The following DLGAP3 variants were observed in gnomAD, a reference collection of about 807,000 sequenced individuals.
DLGAP3 encodes DLG associated protein 3.
A neutral mutation model predicts 81.2 loss-of-function variants in DLGAP3; 17 were observed. That is an observed-to-expected ratio of 0.21 (90% CI 0.14 to 0.31). The LOEUF (loss-of-function observed/expected upper bound fraction) is 0.31, where lower values mean the gene tolerates loss of function less well. Among genes scored for constraint, DLGAP3 ranks in the 10% least tolerant of loss-of-function variants. DLGAP3 has a pLI of 1.00. For synonymous variants in DLGAP3, 577 were observed against 587.4 expected (o/e 0.98, Z 0.26); for missense variants, 1,124 against 1,388.0 (o/e 0.81, Z 3.02).
Position 34,885,024 on chromosome 1 carries a change from G to C in DLGAP3, c.1954C>G (p.Arg652Gly). 1 of 1,613,530 alleles carries C rather than the reference G, an allele frequency of 6.2e-7. No homozygotes were observed. Among genetic ancestry groups the C allele is most frequent in the African/African-American group, 1.3e-5 (1 of 75,008 alleles). Residue 652 changes from arginine to glycine, a missense_variant, in exon 8 of 12, where the codon CGG (arginine) becomes GGG (glycine). Arg to Gly is a moderately radical substitution (Grantham distance 125, BLOSUM62 -2). This residue lies in a region of DLGAP3 where 379 missense variants were observed against 455.7 expected (regional missense o/e 0.83). Coordinates refer to ENST00000373347, the MANE Select transcript of DLGAP3 (RefSeq NM_001080418.3). ...ACGCCAATAGAGTGGAACTCCCTCC[G>C]GCTCCTGTTCTCGGTGTCCGAATCT... ...ISDSDTENRS[R>G]REFHSIGVQV... is the part of the protein sequence containing the mutation.
chr1:34,921,701 T>C (rs754186814), intron 1 of DLGAP3, among the ~76,000 whole-genome samples: 5 of 152,226 alleles, frequency 3.3e-5, no homozygotes, highest in Non-Finnish European at 7.3e-5. Context: ...GGGAAGGGTA[T>C]GTTTGCAGGC....
intron 5 of DLGAP3, among the ~76,000 whole-genome samples, chr1:34,888,323 G>A (rs2148403757): frequency 6.6e-6 from 1 of 152,330 alleles, no homozygotes; most frequent in East Asian, 1.9e-4. Flanking sequence ...GACCCAGAGA[G>A]GGCAGGTGAA....
Position 34,885,618 on chromosome 1 carries a change from C to T in DLGAP3, c.1774G>A (p.Ala592Thr). Residue 592 changes from alanine (A) to threonine (T), a missense_variant, in exon 7 of 12, where the codon GCG becomes ACG. Coordinates refer to ENST00000373347, the MANE Select transcript of DLGAP3 (RefSeq NM_001080418.3). ...ACCGGCGCCAACTCCAGTGTGCGCG[C>T]ACCCATGGCGGGGCCGTCCAGCCCG... ...ADGLDGPAMG[A>T]RTLELAPVPP... is the part of the protein sequence containing the mutation. 1 of 1,567,284 alleles carries T rather than the reference C, an allele frequency of 6.4e-7. No homozygotes were observed. Among genetic ancestry groups the T allele is most frequent in the Non-Finnish European group, 8.6e-7 (1 of 1,161,912 alleles).
chr1:34,926,368 G>A (rs1174712365), intron 1 of DLGAP3, among the ~76,000 whole-genome samples: 2 of 152,204 alleles, frequency 1.3e-5, no homozygotes, highest in African/African-American at 2.4e-5. Flanking sequence ...CATAACGATG[G>A]TGCCACTGCC....
chr1:34,871,484 G>A (rs1638980182), intron 8 of DLGAP3, among the ~76,000 whole-genome samples: 1 of 152,196 alleles, frequency 6.6e-6, no homozygotes, highest in Non-Finnish European at 1.5e-5. Context: ...TGCCGTTCAG[G>A]CAGATTGTTC....
chr1:34,878,771 A>T (rs12090805), intron 8 of DLGAP3, among the ~76,000 whole-genome samples: 34,942 of 152,202 alleles, frequency 0.23, 4,318 homozygotes, highest in Middle Eastern at 0.31. Flanking sequence ...TTTGTGGAAG[A>T]CAATTTTTCC....
intron 1 of DLGAP3, among the ~76,000 whole-genome samples, chr1:34,914,946 C>A (rs574789252): frequency 2.4e-4 from 36 of 152,180 alleles, no homozygotes; most frequent in Non-Finnish European, 5.0e-4. Flanking sequence ...AGAGCAAAGA[C>A]CTGGTAGCCA....
Position 34,895,337 on chromosome 1 carries a change from C to T in DLGAP3, c.1386+4332G>A, listed in dbSNP as rs1401284866. Among the ~76,000 whole-genome samples the T allele has an allele frequency of 6.7e-6, 1 of 150,108 alleles. No homozygotes were observed. The highest frequency in any genetic ancestry group is 1.5e-5 in the Non-Finnish European group (1 of 67,718). ...GAGCCGAGATCATGCCACTGCACTC[C>T]TACCTGGGCGACAGAGCGAGACTGT... On this transcript the variant is annotated intron_variant, in intron 5 of 11. Transcript: ENST00000373347. The surrounding 1 kb of genome is among the most constrained non-coding windows in gnomAD (Gnocchi z 4.5).
chr1:34,908,303 A>C (rs1379581836), intron 1 of DLGAP3, among the ~76,000 whole-genome samples: 1 of 152,264 alleles, frequency 6.6e-6, no homozygotes, highest in Non-Finnish European at 1.5e-5. Context: ...ACAAGATTCA[A>C]TAGAGGTCAA....
intron 1 of DLGAP3, among the ~76,000 whole-genome samples, chr1:34,916,865 C>CT (rs1055574671): frequency 6.6e-6 from 1 of 151,808 alleles, no homozygotes; most frequent in African/African-American, 2.4e-5. Context: ...CTGGCTAATT[C>CT]TTTTTTGCAT....
intron 8 of DLGAP3, among the ~76,000 whole-genome samples, chr1:34,871,933 A>T (rs1212511909): frequency 1.3e-5 from 2 of 152,168 alleles, no homozygotes; most frequent in Admixed American, 1.3e-4. Context: ...GATGACCAGA[A>T]GCACAGTCCT....
At chr1:34,885,140 G>T in intron 7 of DLGAP3, 77 bp from the exon 8 acceptor site, 2 of 1,372,938 alleles carry the variant, frequency 1.5e-6, no homozygotes, top group Middle Eastern at 2.1e-4. Context: ...GGCTAGCAAT[G>T]GCTGCGCCCC....
At position 34,903,154 on chromosome 1, in the gene DLGAP3, T is replaced by C. The variant is rs553212986; in HGVS notation, c.1107+1123A>G. Among the ~76,000 whole-genome samples, 5 of 152,288 alleles carry C rather than the reference T, an allele frequency of 3.3e-5. No individual in the cohort carries two copies. The East Asian group carries it at 5.8e-4, about 18-fold the overall frequency. On this transcript the variant is annotated intron_variant, in intron 3 of 11. Transcript: ENST00000373347. Reference sequence around the variant, plus strand: ...AACATGCTGTATAGTCTCTTCCCAATACACGTTTAGCCAGCACTCAACAAC... The same window carrying C: ...AACATGCTGTATAGTCTCTTCCCAACACACGTTTAGCCAGCACTCAACAAC...
At chr1:34,897,008 T>C (rs1004657294) in intron 5 of DLGAP3, among the ~76,000 whole-genome samples, 2 of 152,016 alleles carry the variant, frequency 1.3e-5, no homozygotes, top group African/African-American at 2.4e-5. Flanking sequence ...AGAATGGATA[T>C]AGGTAAAATG....
intron 1 of DLGAP3, among the ~76,000 whole-genome samples, chr1:34,908,866 A>G (rs1221102406): frequency 6.6e-6 from 1 of 152,232 alleles, no homozygotes; most frequent in Non-Finnish European, 1.5e-5. Context: ...GCTCTAGATG[A>G]CAATTATCTT....
In DLGAP3 at chr1:34,902,321, C is replaced by T. The variant is rs746807870; in HGVS notation, c.1107+1956G>A. The stretch of plus-strand genomic sequence containing the variant: ...AGATGGGGTCCCTTGAAGGAACCCA[C>T]GGGCAGGAGCAGGGCTCTTCAAGGG... On this transcript the variant is annotated intron_variant, in intron 3 of 11. Coordinates refer to ENST00000373347, the MANE Select transcript of DLGAP3 (RefSeq NM_001080418.3). The surrounding 1 kb of genome is among the most constrained non-coding windows in gnomAD (Gnocchi z 4.4). 1.1e-4 allele frequency among the ~76,000 whole-genome samples: 17 copies of T among 152,020 alleles called. No individual in the cohort carries two copies. The highest frequency in any genetic ancestry group is 1.9e-4 in the East Asian group (1 of 5,182).
intron 3 of DLGAP3, among the ~76,000 whole-genome samples, chr1:34,903,149 C>T (rs1381516102): frequency 1.3e-5 from 2 of 152,212 alleles, no homozygotes; most frequent in African/African-American, 4.8e-5. Flanking sequence ...ATAGTCTCTT[C>T]CCAATACACG....
chr1:34,916,607 AGGCCT>A (rs1639718958), intron 1 of DLGAP3, among the ~76,000 whole-genome samples: 1 of 152,216 alleles, frequency 6.6e-6, no homozygotes, highest in Non-Finnish European at 1.5e-5. Flanking sequence ...GTCTGGGTCC[AGGCCT>A]GACCAAGGCC....
In DLGAP3 at chr1:34,899,691, C is replaced by G. The variant is rs1007082130; in HGVS notation, c.1364G>C (p.Ser455Thr). 10 of 1,613,992 alleles carry G rather than the reference C, an allele frequency of 6.2e-6. No homozygotes were observed. In the East Asian group the frequency reaches 2.2e-4, roughly 36 times the overall value. ...IHPRSSIPGYSRSLTTGQLSD... is the reference protein window; with the variant it reads ...IHPRSSIPGYTRSLTTGQLSD... ...TACCTGTCCAGTGGTGAGGGAACGG[C>G]TGTAGCCAGGGATGGAGCTCCGGGG... The change falls in exon 5 of 12, where the codon AGC (serine) becomes ACC (threonine). Residue 455 changes from serine to threonine, a missense_variant. By Grantham distance (58) the Ser-to-Thr change is moderately conservative. This residue lies in a region of DLGAP3 where 357 missense variants were observed against 408.8 expected (regional missense o/e 0.87). Transcript: ENST00000373347.
Sources: gnomAD v4.1 joint callset for allele counts (sites outside exome capture counted in the v4.1 genomes callset) on GRCh38, gnomAD v4.1.1 for gene constraint, gnomAD v4.1.1 regional missense constraint, Gnocchi (gnomAD v3.1) non-coding constraint, MANE v1.5 for transcripts, NCBI Gene and HGNC (gene_info 2026-07-23, HGNC 2026-07-21) for gene names.